The following ARHGAP20 variants were observed in gnomAD, a reference collection of about 807,000 sequenced individuals.
The protein encoded by ARHGAP20 is rho GTPase-activating protein 20.
ARHGAP20 carries 34 observed loss-of-function variants against 73.7 expected under a neutral mutation model. The ratio of observed to expected loss-of-function variants is 0.46; its 90% confidence interval spans 0.35 to 0.61. The LOEUF (loss-of-function observed/expected upper bound fraction) is 0.61, where lower values mean the gene tolerates loss of function less well. Ranked by LOEUF, ARHGAP20 falls within the 20% of genes least tolerant of loss-of-function variation. The pLI is 0.00. For missense variants in ARHGAP20, 1,314 were observed against 1,420.9 expected (o/e 0.92, Z 1.21); for synonymous variants, 523 against 518.2 (o/e 1.01, Z -0.13).
At chr11:110,652,314 G>C (rs909401386) in intron 2 of ARHGAP20, among the ~76,000 whole-genome samples, 8 of 152,096 alleles carry the variant, frequency 5.3e-5, no homozygotes, top group African/African-American at 1.9e-4. Flanking sequence ...GCATTCCTTT[G>C]GAAAACCAGC....
intron 4 of ARHGAP20, among the ~76,000 whole-genome samples, chr11:110,617,507 C>CCCGCCT (rs1451963952): frequency 2.0e-5 from 3 of 152,144 alleles, no homozygotes; most frequent in Admixed American, 6.5e-5. Flanking sequence ...AGGTGATCCA[C>CCCGCCT]CCGCCTCCGC....
chr11:110,639,718 T>A (rs1178121931), intron 2 of ARHGAP20, among the ~76,000 whole-genome samples: 1 of 152,016 alleles, frequency 6.6e-6, no homozygotes, highest in East Asian at 1.9e-4. Context: ...TTTCTTTCCA[T>A]TAGCATAAGG....
At chr11:110,691,150 C>A in intron 1 of ARHGAP20, 1 of 520,876 alleles carries the variant, frequency 1.9e-6, no homozygotes, top group Non-Finnish European at 3.2e-6. Flanking sequence ...TCCAAATAGA[C>A]TTTTTTAAAA....
At chr11:110,665,669 T>C (rs1222493920) in intron 2 of ARHGAP20, among the ~76,000 whole-genome samples, 1 of 152,114 alleles carries the variant, frequency 6.6e-6, no homozygotes, top group Non-Finnish European at 1.5e-5. Context: ...AAAAGAGCTG[T>C]CCAGAGAAAG....
intron 2 of ARHGAP20, among the ~76,000 whole-genome samples, chr11:110,656,020 G>A (rs1209251683): frequency 2.0e-5 from 3 of 152,002 alleles, no homozygotes; most frequent in East Asian, 1.9e-4. Flanking sequence ...TGCTATCCAC[G>A]TCCCTCCACT....
At chr11:110,709,022 A>G (rs1950600033) in intron 1 of ARHGAP20, among the ~76,000 whole-genome samples, 1 of 152,188 alleles carries the variant, frequency 6.6e-6, no homozygotes, top group African/African-American at 2.4e-5. Context: ...TACACAATGT[A>G]CCACTCAGTG....
intron 2 of ARHGAP20, among the ~76,000 whole-genome samples, chr11:110,637,741 G>C (rs540012503): frequency 1.3e-5 from 2 of 152,130 alleles, no homozygotes; most frequent in South Asian, 4.1e-4. Flanking sequence ...AAGAAATACA[G>C]AGTGCAGGAG....
intron 9 of ARHGAP20, among the ~76,000 whole-genome samples, chr11:110,597,343 A>G (rs1947994719): frequency 1.3e-5 from 2 of 151,564 alleles, no homozygotes; most frequent in South Asian, 4.2e-4. Context: ...GAAGTCCAGG[A>G]AGGGGTTCCT....
At chr11:110,691,289 T>A (rs764584213) in intron 1 of ARHGAP20, among the ~76,000 whole-genome samples, 1 of 152,180 alleles carries the variant, frequency 6.6e-6, no homozygotes, top group Admixed American at 6.6e-5. Flanking sequence ...TTCAGATAAT[T>A]ACTCTCTAAA....
At chr11:110,585,351 A>G (rs180811282) in intron 12 of ARHGAP20, among the ~76,000 whole-genome samples, 1 of 152,136 alleles carries the variant, frequency 6.6e-6, no homozygotes, top group Non-Finnish European at 1.5e-5. Flanking sequence ...GATGCTCACT[A>G]TCTGAATGGT....
chr11:110,578,866 G>A lies in ARHGAP20; in HGVS notation c.*504C>T. 1 of 985,766 alleles carries A rather than the reference G, an allele frequency of 1.0e-6. No homozygotes were observed. Among genetic ancestry groups the A allele is most frequent in the Non-Finnish European group, 1.2e-6 (1 of 830,052 alleles). The allele number at this position is 985,766 out of a possible 1,614,324, so 61.1% of individuals were successfully genotyped here. A position where few individuals can be genotyped will look rare whatever the true frequency, so the allele number is the denominator to read the frequency against. On this transcript the variant is annotated 3_prime_UTR_variant, in exon 15 of 15. Transcript: ENST00000683387. ...AAAATGGCCACTGGCTTAGATTTAGGGAAAGATTTTATATGATGTTCTTCA... is the reference window on the plus strand; with the variant it reads ...AAAATGGCCACTGGCTTAGATTTAGAGAAAGATTTTATATGATGTTCTTCA...
rs753553189 is a variant in ARHGAP20, at chr11:110,611,390, T to A, written c.631-4A>T. ...TCATTACTGTTATAGTTTTAGACTG[T>A]AGAAAAAAAATAAGAAATATAGCTA... On this transcript the variant is annotated splice_region_variant and splice_polypyrimidine_tract_variant and intron_variant, in intron 6 of 14. Coordinates refer to ENST00000683387, the MANE Select transcript of ARHGAP20 (RefSeq NM_001384657.1). The A allele has an allele frequency of 8.4e-6, 12 of 1,435,018 alleles. No individual in the cohort carries two copies. Among genetic ancestry groups the A allele is most frequent in the Non-Finnish European group, 1.1e-5 (12 of 1,059,642 alleles). The allele number at this position is 1,435,018 out of a possible 1,614,324, so 88.9% of individuals were successfully genotyped here. A position where few individuals can be genotyped will look rare whatever the true frequency, so the allele number is the denominator to read the frequency against.
chr11:110,682,618 T>C (rs1233146824), intron 2 of ARHGAP20, among the ~76,000 whole-genome samples: 1 of 152,138 alleles, frequency 6.6e-6, no homozygotes, highest in Admixed American at 6.6e-5. Context: ...ATGATCCACT[T>C]TTAGTTATAC....
At chr11:110,613,645 A>G (rs1042818256) in intron 6 of ARHGAP20, among the ~76,000 whole-genome samples, 2 of 152,172 alleles carry the variant, frequency 1.3e-5, no homozygotes, top group African/African-American at 4.8e-5. Flanking sequence ...CAGACAGAAA[A>G]AAACAGTGTT....
intron 2 of ARHGAP20, among the ~76,000 whole-genome samples, chr11:110,650,708 G>T (rs1565459014): frequency 6.6e-6 from 1 of 152,118 alleles, no homozygotes; most frequent in Non-Finnish European, 1.5e-5. Context: ...GTTCATAGCA[G>T]CAGGGATTTT....
intron 3 of ARHGAP20, among the ~76,000 whole-genome samples, chr11:110,628,405 T>C (rs185678866): frequency 1.3e-5 from 2 of 152,280 alleles, no homozygotes; most frequent in East Asian, 3.9e-4. Context: ...AAAATTAAGT[T>C]CTTTCATATT....
intron 2 of ARHGAP20, among the ~76,000 whole-genome samples, chr11:110,664,718 A>G (rs967506003): frequency 2.2e-5 from 3 of 136,144 alleles, no homozygotes; most frequent in Non-Finnish European, 4.7e-5. Flanking sequence ...ACAGAGTGAG[A>G]CTCCGTCTCA....
chr11:110,577,644 T>A lies in ARHGAP20; in HGVS notation c.*1726A>T, dbSNP rs1441250292. The A allele has an allele frequency of 8.1e-6, 8 of 985,800 alleles. No homozygotes were observed. Among genetic ancestry groups the A allele is most frequent in the Non-Finnish European group, 9.6e-6 (8 of 829,982 alleles). The allele number at this position is 985,800 out of a possible 1,614,324, so 61.1% of individuals were successfully genotyped here. A position where few individuals can be genotyped will look rare whatever the true frequency, so the allele number is the denominator to read the frequency against. ...ATATGGACACTTAGAAGTCTTAATA[T>A]GTAGGACTGGTTAGTTATAAAGTGA... is the stretch of plus-strand genomic sequence containing the variant. On this transcript the variant is annotated 3_prime_UTR_variant, in exon 15 of 15. Transcript: ENST00000683387.
chr11:110,577,079 G>A lies in ARHGAP20; in HGVS notation c.*2291C>T. 1 of 1,505,712 alleles carries A rather than the reference G, an allele frequency of 6.6e-7. No individual in the cohort carries two copies. The highest frequency in any genetic ancestry group is 8.9e-7 in the Non-Finnish European group (1 of 1,125,692). The allele number at this position is 1,505,712 out of a possible 1,614,324, so 93.3% of individuals were successfully genotyped here. ...CTGCAGAATGGCATTTTATTTAACA[G>A]ACAGCATGGACTTCATACATATCCA... On this transcript the variant is annotated 3_prime_UTR_variant, in exon 15 of 15. Transcript: ENST00000683387.
Sources: gnomAD v4.1 joint callset for allele counts (sites outside exome capture counted in the v4.1 genomes callset) on GRCh38, gnomAD v4.1.1 for gene constraint, MANE v1.5 for transcripts, NCBI Gene and HGNC (gene_info 2026-07-23, HGNC 2026-07-21) for gene names.